Variants in FRMPD4 observed in about 807,000 individuals in gnomAD.
FRMPD4 encodes FERM and PDZ domain-containing protein 4.
Under a neutral mutation model 94.1 loss-of-function variants are expected in FRMPD4, and 22 were observed. The ratio of observed to expected loss-of-function variants is 0.23; its 90% confidence interval spans 0.17 to 0.33. The LOEUF (loss-of-function observed/expected upper bound fraction) is 0.33. Ranked by LOEUF, FRMPD4 falls within the 10% of genes least tolerant of loss-of-function variation. The pLI is 1.00. For synonymous variants in FRMPD4, 631 were observed against 548.6 expected (o/e 1.15, Z -2.10); for missense variants, 1,111 against 1,339.9 (o/e 0.83, Z 2.67).
chrX:12,642,273 C>G (rs1273598278), intron 4 of FRMPD4, among the ~76,000 whole-genome samples: 1 of 111,279 alleles, frequency 9.0e-6, no homozygotes, highest in Non-Finnish European at 1.9e-5. Flanking sequence ...AAGAACAGGA[C>G]ACTGTAAAGC....
chrX:12,338,273 G>T (rs891600973), intron 1 of FRMPD4, among the ~76,000 whole-genome samples: 1 of 112,286 alleles, frequency 8.9e-6, no homozygotes, highest in Non-Finnish European at 1.9e-5. Flanking sequence ...CCTAGATGTA[G>T]ATCTGTGTCC....
chrX:12,151,848 T>C (rs1344134240), intron 1 of FRMPD4, among the ~76,000 whole-genome samples: 1 of 112,084 alleles, frequency 8.9e-6, no homozygotes, highest in East Asian at 2.8e-4. Flanking sequence ...TGGATAACAA[T>C]GTGATGAATA....
chrX:12,283,141 G>A (rs2054550807), intron 1 of FRMPD4, among the ~76,000 whole-genome samples: 2 of 112,888 alleles, frequency 1.8e-5, no homozygotes. Flanking sequence ...ACCCCTTGGA[G>A]AAGAATCCTT....
Position 12,609,733 on chromosome X carries a change from G to A in FRMPD4, c.171G>A (p.Gln57=). ...GRDYFINHMT[Q]AIPFDDPRLE... Reference sequence around the variant, plus strand: ...GCTTTCTCCACAGTCACATGACACAGGCAATCCCTTTTGACGACCCTCGGT... The same window carrying A: ...GCTTTCTCCACAGTCACATGACACAAGCAATCCCTTTTGACGACCCTCGGT... The change falls in exon 3 of 17, where the codon CAG becomes CAA. Residue 57 remains glutamine, a synonymous_variant. Coordinates refer to ENST00000675598, the MANE Select transcript of FRMPD4 (RefSeq NM_001368397.1). The A allele has an allele frequency of 2.5e-6, 3 of 1,208,286 alleles. No individual in the cohort carries two copies. Among genetic ancestry groups the A allele is most frequent in the Non-Finnish European group, 3.4e-6 (3 of 892,074 alleles).
At chrX:12,629,552 GAATTA>G (rs1602233079) in intron 4 of FRMPD4, among the ~76,000 whole-genome samples, 1 of 112,352 alleles carries the variant, frequency 8.9e-6, no homozygotes, top group African/African-American at 3.2e-5. Flanking sequence ...ATTGTTGGAA[GAATTA>G]AATAAAACAG....
chrX:11,940,998 G>A (rs2054156453), intron 3 of FRMPD4, among the ~76,000 whole-genome samples: 1 of 14,301 alleles, frequency 7.0e-5, no homozygotes, highest in African/African-American at 2.0e-4. Context: ...GTGGTGCGCC[G>A]TTTCTTAAGC....
At position 12,691,910 on chromosome X, in the gene FRMPD4, A is replaced by T. The variant is rs150466851; in HGVS notation, c.813+1584A>T. Among the ~76,000 whole-genome samples, 51 of 109,851 alleles carry T rather than the reference A, an allele frequency of 4.6e-4. No individual in the cohort carries two copies. In the East Asian group the frequency reaches 9.5e-3, roughly 20 times the overall value. On this transcript the variant is annotated intron_variant, in intron 8 of 16. Coordinates refer to ENST00000675598, the MANE Select transcript of FRMPD4 (RefSeq NM_001368397.1). ...ATTGATAGTGGGCTACTCTCTTGTT[A>T]TTGGGGTTTGCCTTGTGCTATCGAA...
At position 12,716,358 on chromosome X, in the gene FRMPD4, C is replaced by T. The variant is rs757860966; in HGVS notation, c.1899C>T (p.Leu633=). Residue 633 remains leucine (L), a synonymous_variant, in exon 15 of 17, where the codon CTC becomes CTT. Transcript: ENST00000675598. ...RSLAQRSLLT[L]SGPETLKKAQ... ...TAGCTCAGCGGTCCCTATTGACCCTCTCAGGACCAGAAACTCTGAAGAAAG... is the reference window on the plus strand; with the variant it reads ...TAGCTCAGCGGTCCCTATTGACCCTTTCAGGACCAGAAACTCTGAAGAAAG... The T allele has an allele frequency of 4.1e-6, 5 of 1,211,749 alleles. No individual in the cohort carries two copies. Among genetic ancestry groups the T allele is most frequent in the Non-Finnish European group, 5.6e-6 (5 of 895,309 alleles).
chrX:11,830,496 A>C (rs1345834021), intron 1 of FRMPD4, among the ~76,000 whole-genome samples: 1 of 111,764 alleles, frequency 8.9e-6, no homozygotes, highest in Non-Finnish European at 1.9e-5. Context: ...ATTTGCTTCC[A>C]CTAAGTTGTT....
chrX:12,512,213 T>C (rs1316891680), intron 2 of FRMPD4, among the ~76,000 whole-genome samples: 3 of 112,818 alleles, frequency 2.7e-5, no homozygotes, highest in Non-Finnish European at 5.6e-5. Context: ...GACTATAGTA[T>C]GGTATGAACA....
chrX:12,557,895 CT>C (rs747140237), intron 2 of FRMPD4, among the ~76,000 whole-genome samples: 69 of 112,009 alleles, frequency 6.2e-4, no homozygotes, highest in Non-Finnish European at 1.1e-3. Context: ...TTCTAGGGAT[CT>C]GATTCTGTGA....
At chrX:12,244,816 A>G (rs778385228) in intron 1 of FRMPD4, among the ~76,000 whole-genome samples, 4 of 111,752 alleles carry the variant, frequency 3.6e-5, no homozygotes, top group Non-Finnish European at 7.5e-5. Flanking sequence ...GTCTGTTTGC[A>G]GAGGCAAGGT....
At chrX:12,401,465 GT>G (rs1241728142) in intron 1 of FRMPD4, among the ~76,000 whole-genome samples, 1 of 111,315 alleles carries the variant, frequency 9.0e-6, no homozygotes, top group Non-Finnish European at 1.9e-5. Flanking sequence ...GCTTCTAATA[GT>G]TTTTGGCTTG....
chrX:12,058,905 C>T (rs1449184449), intron 3 of FRMPD4, among the ~76,000 whole-genome samples: 6 of 110,778 alleles, frequency 5.4e-5, no homozygotes, highest in African/African-American at 1.3e-4. Context: ...CAACAGCCCC[C>T]GTATCAAAGA....
chrX:11,915,487 A>G (rs980618349), intron 3 of FRMPD4, among the ~76,000 whole-genome samples: 3 of 112,711 alleles, frequency 2.7e-5, no homozygotes, highest in Admixed American at 9.3e-5. Flanking sequence ...CATCTGATGA[A>G]TAAAGAAGTC....
chrX:11,892,817 A>G (rs1041652141), intron 3 of FRMPD4, among the ~76,000 whole-genome samples: 3 of 112,296 alleles, frequency 2.7e-5, no homozygotes, highest in African/African-American at 9.7e-5. Context: ...AATTGGGAAC[A>G]TAATCTATTC....
rs926774649 is a variant in FRMPD4, at chrX:12,724,027, C to T, written c.*2169C>T. On this transcript the variant is annotated 3_prime_UTR_variant, in exon 17 of 17. Transcript: ENST00000675598. ...TGTTAGCTATTATTATCATCATAAT[C>T]GTTGTGTTAAATATATTGCCCAAGA... The T allele has an allele frequency of 4.5e-5, 5 of 111,981 alleles. No individual in the cohort carries two copies. The highest frequency in any genetic ancestry group is 1.6e-4 in the African/African-American group (5 of 30,785). The allele number at this position is 111,981 out of a possible 1,213,427, so 9.2% of individuals were successfully genotyped here.
At chrX:11,870,985 T>A (rs6639094) in intron 2 of FRMPD4, among the ~76,000 whole-genome samples, 2 of 110,893 alleles carry the variant, frequency 1.8e-5, no homozygotes, top group African/African-American at 6.6e-5. Flanking sequence ...TGTGGCAGTG[T>A]CTGTTTGTAT....
chrX:12,183,177 T>A (rs906102169), intron 1 of FRMPD4, among the ~76,000 whole-genome samples: 1 of 111,657 alleles, frequency 9.0e-6, no homozygotes, highest in African/African-American at 3.3e-5. Context: ...GCCTCCCTAG[T>A]TCCACCACAC....
Sources: allele counts gnomAD v4.1 joint callset (sites outside exome capture counted in the v4.1 genomes callset), GRCh38; gene constraint gnomAD v4.1.1; transcripts MANE v1.5; gene names NCBI Gene and HGNC (gene_info 2026-07-23, HGNC 2026-07-21).